Variants in KCNH8 observed in about 807,000 individuals in gnomAD.
KCNH8 encodes the protein potassium voltage-gated channel subfamily H member 8, also known as voltage-gated delayed rectifier potassium channel KCNH8.
KCNH8 carries 70 observed loss-of-function variants against 103.6 expected under a neutral mutation model. The ratio of observed to expected loss-of-function variants is 0.68; its 90% CI spans 0.56 to 0.82. The LOEUF (loss-of-function observed/expected upper bound fraction) is 0.82. Ranked by LOEUF, KCNH8 falls within the 40% of genes least tolerant of loss-of-function variation. The pLI, the probability that KCNH8 is intolerant of heterozygous loss-of-function variation, is 0.00. For synonymous variants in KCNH8, 498 were observed against 489.4 expected (o/e 1.02, Z -0.23); for missense variants, 1,217 against 1,329.9 (o/e 0.92, Z 1.32).
intron 13 of KCNH8, 145 bp from the exon 14 acceptor site, chr3:19,515,177 T>TA: frequency 2.4e-6 from 1 of 411,332 alleles, no homozygotes; most frequent in East Asian, 3.6e-5. Context: ...AATAGCAATA[T>TA]AAGGCTAATG....
intron 15 of KCNH8, among the ~76,000 whole-genome samples, chr3:19,524,941 T>C (rs1198629978): frequency 6.6e-6 from 1 of 151,886 alleles, no homozygotes; most frequent in East Asian, 1.9e-4. Context: ...AGAGAGCAGT[T>C]ACAGAAACAT....
chr3:19,283,598 A>G (rs2064786569), intron 3 of KCNH8, among the ~76,000 whole-genome samples: 2 of 152,010 alleles, frequency 1.3e-5, no homozygotes, highest in Admixed American at 6.6e-5. Flanking sequence ...AGAAGTATGT[A>G]GTATTTTTAG....
intron 1 of KCNH8, among the ~76,000 whole-genome samples, chr3:19,247,916 C>A (rs1280429607): frequency 6.6e-6 from 1 of 152,124 alleles, no homozygotes; most frequent in Non-Finnish European, 1.5e-5. Flanking sequence ...TCTGCCTAAT[C>A]TTCTTGAGCA....
intron 5 of KCNH8, among the ~76,000 whole-genome samples, chr3:19,376,690 G>C (rs771416021): frequency 6.6e-6 from 1 of 152,206 alleles, no homozygotes; most frequent in Non-Finnish European, 1.5e-5. Context: ...GGTTTCCATG[G>C]AAATCAGTAA....
At chr3:19,397,550 T>C (rs188351895) in intron 7 of KCNH8, among the ~76,000 whole-genome samples, 16 of 149,988 alleles carry the variant, frequency 1.1e-4, no homozygotes, top group Admixed American at 8.0e-4. Flanking sequence ...TATATATATA[T>C]GTGTGTATAT....
chr3:19,407,847 C>G (rs2066717391), intron 7 of KCNH8, among the ~76,000 whole-genome samples: 1 of 152,116 alleles, frequency 6.6e-6, no homozygotes, highest in Admixed American at 6.6e-5. Flanking sequence ...GCCCCTATTA[C>G]CATGCAGAGA....
At chr3:19,235,409 A>G (rs904680376) in intron 1 of KCNH8, among the ~76,000 whole-genome samples, 2 of 152,238 alleles carry the variant, frequency 1.3e-5, no homozygotes, top group Non-Finnish European at 2.9e-5. Flanking sequence ...TGTGCACTCC[A>G]GAATTATGTG....
intron 11 of KCNH8, among the ~76,000 whole-genome samples, chr3:19,494,961 A>AT (rs1157111778): frequency 6.6e-5 from 10 of 152,040 alleles, no homozygotes; most frequent in Admixed American, 2.0e-4. Flanking sequence ...GATGATGAGC[A>AT]TTTTTTCATA....
intron 15 of KCNH8, among the ~76,000 whole-genome samples, chr3:19,525,124 T>A (rs577378358): frequency 1.8e-4 from 27 of 152,066 alleles, no homozygotes; most frequent in Non-Finnish European, 3.2e-4. Context: ...GATATGCTAA[T>A]AAGCTCAACT....
At chr3:19,372,210 C>T (rs969971498) in intron 5 of KCNH8, among the ~76,000 whole-genome samples, 1 of 152,044 alleles carries the variant, frequency 6.6e-6, no homozygotes, top group African/African-American at 2.4e-5. Flanking sequence ...GGCAGTATGG[C>T]CATTTTCACG....
Position 19,436,994 on chromosome 3 carries a change from C to T in KCNH8, c.1178-1170C>T, listed in dbSNP as rs185289525. Among the ~76,000 whole-genome samples the T allele has an allele frequency of 3.4e-3, 520 of 152,226 alleles. 10 individuals are homozygous for T. The highest frequency in any genetic ancestry group is 0.027 in the Admixed American group (409 of 15,290). On this transcript the variant is annotated intron_variant, in intron 7 of 15. Coordinates refer to ENST00000328405, the MANE Select transcript of KCNH8 (RefSeq NM_144633.3). ...ACAGTACTTGCCCTTAAGCACTTCT[C>T]CTTGGTCTCAAGGAATTCCCAGCTG...
At chr3:19,430,282 T>C (rs2067100230) in intron 7 of KCNH8, among the ~76,000 whole-genome samples, 1 of 152,172 alleles carries the variant, frequency 6.6e-6, no homozygotes, top group East Asian at 1.9e-4. Context: ...GTTGTAGGTG[T>C]GTGGTCTTAT....
At chr3:19,329,203 C>G (rs1372548431) in intron 3 of KCNH8, among the ~76,000 whole-genome samples, 1 of 152,148 alleles carries the variant, frequency 6.6e-6, no homozygotes, top group Non-Finnish European at 1.5e-5. Context: ...ACAGCTGTTT[C>G]ACTAACTTGC....
chr3:19,279,869 C>T (rs1249648400), intron 2 of KCNH8, among the ~76,000 whole-genome samples: 2 of 152,156 alleles, frequency 1.3e-5, no homozygotes, highest in Middle Eastern at 3.4e-3. Flanking sequence ...ACAGTGTATG[C>T]AAGACAACTC....
At chr3:19,314,044 C>T (rs567969780) in intron 3 of KCNH8, among the ~76,000 whole-genome samples, 1 of 151,858 alleles carries the variant, frequency 6.6e-6, no homozygotes, top group African/African-American at 2.4e-5. Flanking sequence ...CATATAAAAA[C>T]CTAGAATCAA....
At chr3:19,450,385 C>T in intron 9 of KCNH8, 80 bp downstream of exon 9, 1 of 1,122,748 alleles carries the variant, frequency 8.9e-7, no homozygotes, top group Non-Finnish European at 1.4e-6. Flanking sequence ...ATGCAGGTAT[C>T]AGAAGTGAAA....
intron 2 of KCNH8, among the ~76,000 whole-genome samples, chr3:19,254,971 A>T (rs989378763): frequency 6.6e-6 from 1 of 152,106 alleles, no homozygotes; most frequent in Non-Finnish European, 1.5e-5. Context: ...CCTAGAAAGT[A>T]GGTATATTGA....
At chr3:19,456,719 C>A in intron 10 of KCNH8, 49 bp from the exon 11 acceptor site, 1 of 1,316,144 alleles carries the variant, frequency 7.6e-7, no homozygotes, top group Non-Finnish European at 1.1e-6. Context: ...GGTTATCAGT[C>A]CTAAGCTTGC....
At chr3:19,337,727 A>AC (rs1181699188) in intron 3 of KCNH8, among the ~76,000 whole-genome samples, 4 of 152,074 alleles carry the variant, frequency 2.6e-5, no homozygotes, top group African/African-American at 9.7e-5. Context: ...TCTAAGCCTT[A>AC]CCATGTTTTT....
Sources: gnomAD v4.1 joint callset for allele counts (sites outside exome capture counted in the v4.1 genomes callset) on GRCh38, gnomAD v4.1.1 for gene constraint, MANE v1.5 for transcripts, NCBI Gene and HGNC (gene_info 2026-07-23, HGNC 2026-07-21) for gene names.